The following CTNNA2 variants were observed in gnomAD, a reference collection of about 807,000 sequenced individuals.
CTNNA2 encodes catenin alpha-2.
In CTNNA2, 42 loss-of-function variants were observed where a neutral mutation model predicts 101.0. The observed-to-expected ratio is 0.42, with a 90% CI of 0.32 to 0.54. CTNNA2 has a LOEUF of 0.54. CTNNA2 is among the 20% of genes least tolerant of loss of function. The pLI is 0.14. For missense variants in CTNNA2, 871 were observed against 1,223.1 expected, an observed-to-expected ratio of 0.71 and a Z score of 4.29; for synonymous variants, 450 against 456.4, an observed-to-expected ratio of 0.99 and a Z score of 0.18.
chr2:79,395,324 T>C (rs909063471), intron 4 of CTNNA2, among the ~76,000 whole-genome samples: 1 of 152,030 alleles, frequency 6.6e-6, no homozygotes, highest in African/African-American at 2.4e-5. Flanking sequence ...ATGTGCCATG[T>C]TGTTATGCTG....
At chr2:80,029,078 G>A (rs1695122112) in intron 7 of CTNNA2, among the ~76,000 whole-genome samples, 1 of 152,162 alleles carries the variant, frequency 6.6e-6, no homozygotes, top group African/African-American at 2.4e-5. Context: ...AACAATTGTT[G>A]TTAATGGAAA....
rs138700369 is a variant in CTNNA2, at chr2:79,230,414, G to A, written c.-406+32338G>A. Reference sequence around the variant, plus strand: ...AGCCCCAGACCTTGGCAGCTTACACGTGGCATTGAGCCTGTGGGTACACAG... The same window carrying A: ...AGCCCCAGACCTTGGCAGCTTACACATGGCATTGAGCCTGTGGGTACACAG... On this transcript the variant is annotated intron_variant, in intron 2 of 21. Coordinates refer to the CTNNA2 transcript ENST00000466387. Among the ~76,000 whole-genome samples, 587 of 152,314 alleles carry A rather than the reference G, an allele frequency of 3.9e-3. 8 individuals carry two copies. The highest frequency in any genetic ancestry group is 0.013 in the African/African-American group (540 of 41,564).
At chr2:80,022,780 A>G (rs892006964) in intron 7 of CTNNA2, among the ~76,000 whole-genome samples, 27 of 152,182 alleles carry the variant, frequency 1.8e-4, no homozygotes, top group African/African-American at 6.3e-4. Flanking sequence ...AAGGCCTTTC[A>G]TGTGGAGGCA....
rs537442409 is a variant in CTNNA2, at chr2:80,589,418, G to A, written c.2122G>A (p.Gly708Ser). The change falls in exon 15 of 19, where the codon GGC becomes AGC. Residue 708 changes from glycine to serine, a missense_variant. Around this residue, in one of 5 missense-constraint regions of CTNNA2, gnomAD observed 93 missense variants for 223.7 expected, o/e 0.42. Coordinates refer to ENST00000402739, the MANE Select transcript of CTNNA2 (RefSeq NM_001282597.3). ...DAEVAKWDDSGNDIIVLAKQM... is the reference protein window; with the variant it reads ...DAEVAKWDDSSNDIIVLAKQM... ...AGAAGTGGCCAAATGGGACGACAGCGGCAATGATATCATTGTACTGGCCAA... is the reference window on the plus strand; with the variant it reads ...AGAAGTGGCCAAATGGGACGACAGCAGCAATGATATCATTGTACTGGCCAA... 43 of 1,614,082 alleles carry A rather than the reference G, an allele frequency of 2.7e-5. No individual in the cohort carries two copies. The highest frequency in any genetic ancestry group is 4.4e-5 in the South Asian group (4 of 91,072).
intron 4 of CTNNA2, among the ~76,000 whole-genome samples, chr2:79,483,991 A>G (rs1399649992): frequency 6.6e-6 from 1 of 152,018 alleles, no homozygotes; most frequent in Non-Finnish European, 1.5e-5. Context: ...TTAAAAATAC[A>G]TGTATGGTTG....
chr2:80,186,754 TTG>T (rs1279906188), intron 7 of CTNNA2, among the ~76,000 whole-genome samples: 1 of 152,238 alleles, frequency 6.6e-6, no homozygotes, highest in Non-Finnish European at 1.5e-5. Flanking sequence ...AGGTTTTTTA[TTG>T]TGTCTACATC....
At chr2:79,725,841 T>G (rs1249528166) in intron 2 of CTNNA2, among the ~76,000 whole-genome samples, 1 of 152,202 alleles carries the variant, frequency 6.6e-6, no homozygotes, top group Non-Finnish European at 1.5e-5. Context: ...CTCCAGCATC[T>G]GTTCTATGAG....
At chr2:80,097,835 G>A (rs572582421) in intron 7 of CTNNA2, among the ~76,000 whole-genome samples, 10 of 152,238 alleles carry the variant, frequency 6.6e-5, no homozygotes, top group South Asian at 2.1e-4. Flanking sequence ...CGTAGTTCTC[G>A]TGCCATGGTT....
At chr2:79,630,675 T>G (rs1304991330) in intron 1 of CTNNA2, among the ~76,000 whole-genome samples, 5 of 152,240 alleles carry the variant, frequency 3.3e-5, no homozygotes, top group Admixed American at 3.3e-4. Context: ...TGTGAATTAT[T>G]TTGTGTAATT....
chr2:80,201,618 G>A (rs565682881), intron 7 of CTNNA2, among the ~76,000 whole-genome samples: 6 of 151,654 alleles, frequency 4.0e-5, no homozygotes, highest in Non-Finnish European at 7.4e-5. Flanking sequence ...CTCGTAATCC[G>A]CCTGCCTCGG....
chr2:80,647,766 G>T lies in CTNNA2; in HGVS notation c.2756G>T (p.Arg919Ile), dbSNP rs748334153. The change falls in exon 19 of 19, where the codon AGA (arginine) becomes ATA (isoleucine). Residue 919 changes from arginine to isoleucine, a missense_variant. By Grantham distance (97) the Arg-to-Ile change is moderately conservative (BLOSUM62 -3). Around this residue, in one of 5 missense-constraint regions of CTNNA2, gnomAD observed 41 missense variants for 45.1 expected, o/e 0.91. Transcript: ENST00000402739. ...CCAGAGAAGAAGCCCCTTGTGAAGA[G>T]AGAAAAGCCTGAAGAATTCCAGACA... ...KAPEKKPLVKREKPEEFQTRV... is the reference protein window; with the variant it reads ...KAPEKKPLVKIEKPEEFQTRV... 1 of 1,613,606 alleles carries T rather than the reference G, an allele frequency of 6.2e-7. No individual in the cohort carries two copies. The highest frequency in any genetic ancestry group is 1.1e-5 in the South Asian group (1 of 91,050).
At chr2:79,423,838 C>T (rs529669719) in intron 4 of CTNNA2, among the ~76,000 whole-genome samples, 3 of 152,194 alleles carry the variant, frequency 2.0e-5, no homozygotes, top group African/African-American at 7.2e-5. Context: ...GCGGACTAAT[C>T]GGGACGCTTG....
At chr2:79,542,652 A>C (rs573561459) in intron 1 of CTNNA2, among the ~76,000 whole-genome samples, 1 of 152,312 alleles carries the variant, frequency 6.6e-6, no homozygotes, top group Non-Finnish European at 1.5e-5. Context: ...AATGCACATA[A>C]AGTTTATAGC....
At chr2:79,942,180 A>G (rs998044079) in intron 7 of CTNNA2, among the ~76,000 whole-genome samples, 17 of 152,278 alleles carry the variant, frequency 1.1e-4, no homozygotes, top group African/African-American at 1.7e-4. Context: ...GAGGGTCACT[A>G]TCTTGCCCAG....
chr2:80,033,586 C>T (rs1695448348), intron 7 of CTNNA2, among the ~76,000 whole-genome samples: 1 of 152,010 alleles, frequency 6.6e-6, no homozygotes, highest in Admixed American at 6.6e-5. Context: ...AAAACAAAAA[C>T]AAAAACAAAA....
chr2:80,449,469 C>T (rs1683321779), intron 9 of CTNNA2, among the ~76,000 whole-genome samples: 1 of 152,142 alleles, frequency 6.6e-6, no homozygotes, highest in African/African-American at 2.4e-5. Flanking sequence ...CTCTGGCTTT[C>T]CTTGTGTCTC....
At chr2:80,167,884 GA>G (rs1704801745) in intron 7 of CTNNA2, among the ~76,000 whole-genome samples, 1 of 152,206 alleles carries the variant, frequency 6.6e-6, no homozygotes, top group Admixed American at 6.5e-5. Flanking sequence ...AGAGCCTTAG[GA>G]AAGGTGTGCT....
At position 80,460,549 on chromosome 2, in the gene CTNNA2, G is replaced by A. The variant is rs976955960; in HGVS notation, c.1290+40948G>A. ...CAAGGTATATTTCCCTCTTTCTCCC[G>A]CTTCTTCTTTCCCTCCCTATCACAC... On this transcript the variant is annotated intron_variant, in intron 9 of 18. Transcript: ENST00000402739. Among the ~76,000 whole-genome samples, 4 of 151,842 alleles carry A rather than the reference G, an allele frequency of 2.6e-5. No individual in the cohort carries two copies. The East Asian group carries it at 5.8e-4, about 22-fold the overall frequency.
chr2:80,429,210 GC>G (rs887255083), intron 9 of CTNNA2, among the ~76,000 whole-genome samples: 7 of 152,052 alleles, frequency 4.6e-5, no homozygotes, highest in African/African-American at 4.8e-5. Flanking sequence ...AAAGTTCAAG[GC>G]CCCCCCTTAG....
Sources: allele counts gnomAD v4.1 joint callset (sites outside exome capture counted in the v4.1 genomes callset), GRCh38; gene constraint gnomAD v4.1.1; regional missense constraint gnomAD v4.1.1; transcripts MANE v1.5; gene names NCBI Gene and HGNC (gene_info 2026-07-23, HGNC 2026-07-21).